The following AGPAT4 variants were observed in gnomAD, a reference collection of about 807,000 sequenced individuals.
The protein encoded by AGPAT4 is 1-acyl-sn-glycerol-3-phosphate acyltransferase delta.
AGPAT4 carries 15 observed loss-of-function variants against 48.0 expected under a neutral mutation model. That is an observed-to-expected ratio of 0.31 (90% CI 0.21 to 0.48). The LOEUF (loss-of-function observed/expected upper bound fraction) is 0.48. AGPAT4 is among the 20% of genes least tolerant of loss of function. The probability of loss-of-function intolerance (pLI) is 0.99; values close to 1 mark genes in which losing one functional copy is unlikely to be tolerated. For missense variants in AGPAT4, 314 were observed against 482.5 expected, an observed-to-expected ratio of 0.65 and a Z score of 3.27; for synonymous variants, 178 against 198.7, an observed-to-expected ratio of 0.90 and a Z score of 0.88.
intron 2 of AGPAT4, among the ~76,000 whole-genome samples, chr6:161,211,159 T>C (rs1583333063): frequency 6.6e-6 from 1 of 152,224 alleles, no homozygotes; most frequent in Admixed American, 6.5e-5. Context: ...ACAGTTTCCA[T>C]AAATAATCTA....
Position 161,136,284 on chromosome 6 carries a change from T to C in AGPAT4, c.*256A>G, listed in dbSNP as rs530691245. The C allele has an allele frequency of 4.6e-6, 2 of 433,802 alleles. No individual in the cohort carries two copies. The highest frequency in any genetic ancestry group is 9.1e-5 in the East Asian group (2 of 21,902). 26.9% of individuals were successfully genotyped at this position (433,802 alleles called of 1,614,324 possible). A position where few individuals can be genotyped will look rare whatever the true frequency, so the allele number is the denominator to read the frequency against. ...TATGATCACAGAACAAAGTTCACAC[T>C]CACCACACAGCCATTCTCACACACA... is the stretch of plus-strand genomic sequence containing the variant. On this transcript the variant is annotated 3_prime_UTR_variant, in exon 9 of 9. Coordinates refer to ENST00000320285, the MANE Select transcript of AGPAT4 (RefSeq NM_020133.3).
chr6:161,139,571 G>A lies in AGPAT4; in HGVS notation c.893C>T (p.Pro298Leu), dbSNP rs1198748988. The A allele has an allele frequency of 1.1e-5, 17 of 1,613,816 alleles. No individual in the cohort carries two copies. Among genetic ancestry groups the A allele is most frequent in the Non-Finnish European group, 1.4e-5 (17 of 1,179,878 alleles). Residue 298 changes from proline (P) to leucine (L), a missense_variant, in exon 8 of 9, where the codon CCC (proline) becomes CTC (leucine). Coordinates refer to ENST00000320285, the MANE Select transcript of AGPAT4 (RefSeq NM_020133.3). The surrounding 1 kb of genome is among the most constrained non-coding windows in gnomAD (Gnocchi z 9.1). ...YYRTGTFPET[P>L]MVPPRRPWTL... is the part of the protein sequence containing the mutation. ...CCAGGGCCGCCGGGGGGGCACCATG[G>A]GCGTCTCTGGGAAGGTGCCCGTCCT...
Position 161,159,942 on chromosome 6 carries a change from T to C in AGPAT4, c.349-5632A>G, listed in dbSNP as rs969379171. On this transcript the variant is annotated intron_variant, in intron 3 of 8. Coordinates refer to ENST00000320285, the MANE Select transcript of AGPAT4 (RefSeq NM_020133.3). The surrounding 1 kb of genome is among the most constrained non-coding windows in gnomAD (Gnocchi z 4.1). ...AGCCACCAAACCTGGCTTTTCTTTT[T>C]TTTTTCTTTTTTTGAGATGGAGTCT... is the stretch of plus-strand genomic sequence containing the variant. 6.7e-6 allele frequency among the ~76,000 whole-genome samples: 1 copy of C among 150,148 alleles called. No individual in the cohort carries two copies. Among genetic ancestry groups the C allele is most frequent in the Non-Finnish European group, 1.5e-5 (1 of 67,640 alleles).
chr6:161,260,963 G>A (rs999672440), intron 1 of AGPAT4, among the ~76,000 whole-genome samples: 13 of 152,324 alleles, frequency 8.5e-5, no homozygotes, highest in African/African-American at 3.1e-4. Context: ...AGGAGGTCAG[G>A]AAATCTCCTT....
chr6:161,215,877 T>G lies in AGPAT4; in HGVS notation c.178+16159A>C, dbSNP rs1781632203. On this transcript the variant is annotated intron_variant, in intron 2 of 8. Coordinates refer to ENST00000320285, the MANE Select transcript of AGPAT4 (RefSeq NM_020133.3). The surrounding 1 kb of genome is among the most constrained non-coding windows in gnomAD (Gnocchi z 4.5). The stretch of plus-strand genomic sequence containing the variant: ...ATTACCTTTCAAACTATACATCAAA[T>G]TGAGTAGAGCAGACATAGTCAAGTT... 6.6e-6 allele frequency among the ~76,000 whole-genome samples: 1 copy of G among 152,128 alleles called. No homozygotes were observed. The highest frequency in any genetic ancestry group is 2.1e-4 in the South Asian group (1 of 4,818).
rs975390930 is a variant in AGPAT4 at position 161,204,298 on chromosome 6, G to A, written c.178+27738C>T. ...TATGTTAAATATGTCTGAAATTTGAGGAGATGATCTCTAAGTTGGCCCGAA... is the reference window on the plus strand; with the variant it reads ...TATGTTAAATATGTCTGAAATTTGAAGAGATGATCTCTAAGTTGGCCCGAA... On this transcript the variant is annotated intron_variant, in intron 2 of 8. Transcript: ENST00000320285. The surrounding 1 kb of genome is among the most constrained non-coding windows in gnomAD (Gnocchi z 4.4). Among the ~76,000 whole-genome samples, 1 of 152,146 alleles carries A rather than the reference G, an allele frequency of 6.6e-6. No homozygotes were observed. The highest frequency in any genetic ancestry group is 2.4e-5 in the African/African-American group (1 of 41,440).
chr6:161,246,776 C>T lies in AGPAT4; in HGVS notation c.-89-14474G>A. On this transcript the variant is annotated intron_variant, in intron 1 of 8. Coordinates refer to ENST00000320285, the MANE Select transcript of AGPAT4 (RefSeq NM_020133.3). The surrounding 1 kb of genome is among the most constrained non-coding windows in gnomAD (Gnocchi z 5.5). ...ATACCCTGGGCCGGGATGACTTCCA[C>T]CCCTTCCACTTCTTACAGAACAGAT... Among the ~76,000 whole-genome samples the T allele has an allele frequency of 6.6e-6, 1 of 152,188 alleles. No individual in the cohort carries two copies. The highest frequency in any genetic ancestry group is 1.9e-4 in the East Asian group (1 of 5,190).
intron 2 of AGPAT4, among the ~76,000 whole-genome samples, chr6:161,173,916 T>G (rs1158976332): frequency 2.0e-5 from 3 of 152,238 alleles, no homozygotes; most frequent in Non-Finnish European, 4.4e-5. Flanking sequence ...CTTTCCCCAC[T>G]GCTTGTTTTT....
At chr6:161,192,996 A>T (rs1780966788) in intron 2 of AGPAT4, among the ~76,000 whole-genome samples, 1 of 152,138 alleles carries the variant, frequency 6.6e-6, no homozygotes, top group Non-Finnish European at 1.5e-5. Context: ...TGATGCATCT[A>T]CGTGTGACTG....
intron 5 of AGPAT4, among the ~76,000 whole-genome samples, chr6:161,152,818 A>ATGTG (rs1779631640): frequency 1.3e-5 from 2 of 152,214 alleles, no homozygotes; most frequent in South Asian, 4.1e-4. Flanking sequence ...GCAGAAGGAC[A>ATGTG]CAGAGGGTGT....
At position 161,132,691 on chromosome 6, in the gene AGPAT4, T is replaced by TAA. The variant is rs1036104636; in HGVS notation, c.*3847_*3848dup. ...TGAGCATGTTACACATGGGCTTGCC[T>TAA]AAGTATTTCCTTCTCTGTGAACATC... On this transcript the variant is annotated 3_prime_UTR_variant, in exon 9 of 9. Transcript: ENST00000320285. 2 of 152,278 alleles carry TAA rather than the reference T, an allele frequency of 1.3e-5. No individual in the cohort carries two copies. Among genetic ancestry groups the TAA allele is most frequent in the East Asian group, 1.9e-4 (1 of 5,196 alleles). The allele number at this position is 152,278 out of a possible 1,614,324, so 9.4% of individuals were successfully genotyped here. A position where few individuals can be genotyped will look rare whatever the true frequency, so the allele number is the denominator to read the frequency against.
Position 161,149,367 on chromosome 6 carries a change from G to T in AGPAT4, c.665-78C>A. ...TGTTCTGTAGATACACACATTGGAAGACAATAATCAAATGGCTAACTGCTT... is the reference window on the plus strand; with the variant it reads ...TGTTCTGTAGATACACACATTGGAATACAATAATCAAATGGCTAACTGCTT... On this transcript the variant is annotated intron_variant, in intron 5 of 8. Coordinates refer to ENST00000320285, the MANE Select transcript of AGPAT4 (RefSeq NM_020133.3). The surrounding 1 kb of genome is among the most constrained non-coding windows in gnomAD (Gnocchi z 6.5). The T allele has an allele frequency of 7.8e-7, 1 of 1,283,634 alleles. No individual in the cohort carries two copies. The highest frequency in any genetic ancestry group is 1.1e-6 in the Non-Finnish European group (1 of 951,128). The allele number at this position is 1,283,634 out of a possible 1,614,324, so 79.5% of individuals were successfully genotyped here. A position where few individuals can be genotyped will look rare whatever the true frequency, so the allele number is the denominator to read the frequency against.
chr6:161,239,876 T>C (rs568618568), intron 1 of AGPAT4, among the ~76,000 whole-genome samples: 1 of 152,304 alleles, frequency 6.6e-6, no homozygotes, highest in Admixed American at 6.5e-5. Context: ...AACAGCTTCA[T>C]ACCACTTAAT....
In AGPAT4 at chr6:161,249,343, C is replaced by T. The variant is rs957243825; in HGVS notation, c.-89-17041G>A. On this transcript the variant is annotated intron_variant, in intron 1 of 8. Transcript: ENST00000320285. This position sits in a 1 kb window ranked among gnomAD's most constrained non-coding sequence, Gnocchi z 6.2. ...ATGTAATTAAACTAAAGAGCTTCTACACAGCAAAGGAAACTATCAACTAAG... is the reference window on the plus strand; with the variant it reads ...ATGTAATTAAACTAAAGAGCTTCTATACAGCAAAGGAAACTATCAACTAAG... Among the ~76,000 whole-genome samples the T allele has an allele frequency of 6.6e-6, 1 of 152,156 alleles. No individual in the cohort carries two copies. The highest frequency in any genetic ancestry group is 2.4e-5 in the African/African-American group (1 of 41,436).
chr6:161,152,656 G>T (rs1265449989), intron 5 of AGPAT4, among the ~76,000 whole-genome samples: 1 of 152,300 alleles, frequency 6.6e-6, no homozygotes, highest in East Asian at 1.9e-4. Context: ...ATGGGGCCGG[G>T]AGCCGCATTC....
chr6:161,218,685 T>C lies in AGPAT4; in HGVS notation c.178+13351A>G, dbSNP rs1174150282. 6.6e-6 allele frequency among the ~76,000 whole-genome samples: 1 copy of C among 152,154 alleles called. No homozygotes were observed. Among genetic ancestry groups the C allele is most frequent in the African/African-American group, 2.4e-5 (1 of 41,432 alleles). On this transcript the variant is annotated intron_variant, in intron 2 of 8. Coordinates refer to ENST00000320285, the MANE Select transcript of AGPAT4 (RefSeq NM_020133.3). This position sits in a 1 kb window ranked among gnomAD's most constrained non-coding sequence, Gnocchi z 4.7. Reference sequence around the variant, plus strand: ...TACTCAAAAACAGCCACTTGGAAGCTATAAAGGGAGCCATAAGGATGCTAG... The same window carrying C: ...TACTCAAAAACAGCCACTTGGAAGCCATAAAGGGAGCCATAAGGATGCTAG...
intron 1 of AGPAT4, among the ~76,000 whole-genome samples, chr6:161,241,061 G>A (rs548461217): frequency 4.6e-5 from 7 of 151,958 alleles, no homozygotes; most frequent in South Asian, 2.1e-4. Context: ...TCAGGAGTTC[G>A]AGACAGCCTG....
chr6:161,137,440 G>A lies in AGPAT4; in HGVS notation c.1043-806C>T, dbSNP rs577090558. Among the ~76,000 whole-genome samples the A allele has an allele frequency of 1.7e-4, 26 of 152,312 alleles. 1 individual carries two copies. The Middle Eastern group carries it at 0.017, about 100-fold the overall frequency. On this transcript the variant is annotated intron_variant, in intron 8 of 8. Coordinates refer to ENST00000320285, the MANE Select transcript of AGPAT4 (RefSeq NM_020133.3). The surrounding 1 kb of genome is among the most constrained non-coding windows in gnomAD (Gnocchi z 6.1). ...CAGGATTATCTAGCATTAGCATCGC[G>A]GTCGATAAACTAACTGGGACATGGA...
Position 161,215,829 on chromosome 6 carries a change from C to T in AGPAT4, c.178+16207G>A, listed in dbSNP as rs377113756. Among the ~76,000 whole-genome samples, 3 of 152,148 alleles carry T rather than the reference C, an allele frequency of 2.0e-5. No individual in the cohort carries two copies. Among genetic ancestry groups the T allele is most frequent in the Admixed American group, 2.0e-4 (3 of 15,278 alleles). ...TTTCTCCTTTTTAGGTAGATATACC[C>T]ATTATTTTATTCGTAATACAGCATT... On this transcript the variant is annotated intron_variant, in intron 2 of 8. Transcript: ENST00000320285. This position sits in a 1 kb window ranked among gnomAD's most constrained non-coding sequence, Gnocchi z 4.5.
Sources: allele counts gnomAD v4.1 joint callset (sites outside exome capture counted in the v4.1 genomes callset), GRCh38; gene constraint gnomAD v4.1.1; non-coding constraint Gnocchi (gnomAD v3.1); transcripts MANE v1.5; gene names NCBI Gene and HGNC (gene_info 2026-07-23, HGNC 2026-07-21).